The following CSE1L variants were observed in gnomAD, a reference collection of about 807,000 sequenced individuals.
The protein encoded by CSE1L is chromosome segregation 1 like.
Under a neutral mutation model 120.4 loss-of-function variants are expected in CSE1L, and 24 were observed. The ratio of observed to expected loss-of-function variants is 0.20; its 90% CI spans 0.14 to 0.28. The LOEUF (loss-of-function observed/expected upper bound fraction) is 0.28, where lower values mean the gene tolerates loss of function less well. CSE1L is among the 10% of genes least tolerant of loss of function. The pLI, the probability that CSE1L is intolerant of heterozygous loss-of-function variation, is 1.00. For missense variants in CSE1L, 830 were observed against 1,145.2 expected, an observed-to-expected ratio of 0.72 and a Z score of 3.97; for synonymous variants, 402 against 398.3, an observed-to-expected ratio of 1.01 and a Z score of -0.11.
At position 49,094,949 on chromosome 20, in the gene CSE1L, G is replaced by C; in HGVS notation, c.2812G>C (p.Ala938Pro). The stretch of plus-strand genomic sequence containing the variant: ...ACAGTCACTTCACAAGTTGTCTACC[G>C]CCTGTCCAGGAAGGGTAAGTGTGTT... ...LAQSLHKLST[A>P]CPGRVPSMVS... The change falls in exon 24 of 25, where the codon GCC (alanine) becomes CCC (proline). Residue 938 changes from alanine (A) to proline (P), a missense_variant. Physicochemically the swap from Ala to Pro is conservative, Grantham distance 27 (BLOSUM62 -1). Coordinates refer to ENST00000262982, the MANE Select transcript of CSE1L (RefSeq NM_001316.4). 6.2e-7 allele frequency: 1 copy of C among 1,613,852 alleles called. No individual in the cohort carries two copies. The highest frequency in any genetic ancestry group is 8.5e-7 in the Non-Finnish European group (1 of 1,179,806).
intron 3 of CSE1L, 83 bp from the exon 4 acceptor site, chr20:49,066,106 TAAA>T: frequency 3.5e-6 from 4 of 1,147,282 alleles, no homozygotes; most frequent in Non-Finnish European, 5.0e-6. Context: ...AATTAGTAAA[TAAA>T]AAAACAGTTA....
chr20:49,053,673 T>A (rs902457749), intron 1 of CSE1L, among the ~76,000 whole-genome samples: 1 of 152,170 alleles, frequency 6.6e-6, no homozygotes, highest in African/African-American at 2.4e-5. Context: ...ATTTCATAAC[T>A]GATCCACCAT....
Position 49,077,084 on chromosome 20 carries a change from CT to C in CSE1L, c.1420+27del, listed in dbSNP as rs750485862. On this transcript the variant is annotated intron_variant, in intron 13 of 24. Coordinates refer to ENST00000262982, the MANE Select transcript of CSE1L (RefSeq NM_001316.4). ...CTAATGGTGAGTTGTGAAATTCTTG[CT>C]TTTTTTACAGCTTGCCACACTATAC... The C allele has an allele frequency of 9.2e-6, 14 of 1,516,074 alleles. No homozygotes were observed. The highest frequency in any genetic ancestry group is 2.4e-5 in the South Asian group (2 of 84,240). The allele number at this position is 1,516,074 out of a possible 1,614,324, so 93.9% of individuals were successfully genotyped here. A position where few individuals can be genotyped will look rare whatever the true frequency, so the allele number is the denominator to read the frequency against.
intron 12 of CSE1L, among the ~76,000 whole-genome samples, chr20:49,075,917 C>T (rs987397617): frequency 6.6e-6 from 1 of 152,034 alleles, no homozygotes; most frequent in Non-Finnish European, 1.5e-5. Flanking sequence ...CTGCAACCTC[C>T]ACCTCCCGAG....
chr20:49,056,222 C>T (rs2091805589), intron 1 of CSE1L, among the ~76,000 whole-genome samples: 1 of 151,954 alleles, frequency 6.6e-6, no homozygotes, highest in Non-Finnish European at 1.5e-5. Context: ...TCTCCTGCCT[C>T]AGCCACCCAA....
chr20:49,053,208 C>T (rs1254274225), intron 1 of CSE1L, among the ~76,000 whole-genome samples: 1 of 150,256 alleles, frequency 6.7e-6, no homozygotes, highest in East Asian at 1.9e-4. Flanking sequence ...CCCCTGCACC[C>T]TCCCCACCCA....
At position 49,058,654 on chromosome 20, in the gene CSE1L, T is replaced by C. The variant is rs112688645; in HGVS notation, c.85+106T>C. ...AAATATATTTTAAAAAATTCATACT[T>C]GGGTTCTCAAGCGTAGTTTATAAGT... On this transcript the variant is annotated intron_variant, in intron 2 of 24. Transcript: ENST00000262982. The C allele has an allele frequency of 2.2e-3, 1,777 of 823,274 alleles. 26 individuals are homozygous for C. The African/African-American group carries it at 0.027, about 13-fold the overall frequency. The allele number at this position is 823,274 out of a possible 1,614,324, so 51.0% of individuals were successfully genotyped here. A position where few individuals can be genotyped will look rare whatever the true frequency, so the allele number is the denominator to read the frequency against.
intron 13 of CSE1L, among the ~76,000 whole-genome samples, chr20:49,077,872 C>T (rs1283654617): frequency 2.6e-5 from 4 of 152,152 alleles, no homozygotes; most frequent in South Asian, 2.1e-4. Context: ...GGCGTGGTGG[C>T]GTGTGCCTGT....
At chr20:49,063,131 TA>T (rs992843122) in intron 2 of CSE1L, 70 bp from the exon 3 acceptor site, 1 of 755,736 alleles carries the variant, frequency 1.3e-6, no homozygotes, top group Admixed American at 4.2e-5. Context: ...TTTTTTTATA[TA>T]TATATATTTG....
At chr20:49,079,933 G>A (rs2091998259) in intron 14 of CSE1L, among the ~76,000 whole-genome samples, 1 of 152,100 alleles carries the variant, frequency 6.6e-6, no homozygotes, top group Non-Finnish European at 1.5e-5. Flanking sequence ...TACTAGCTGG[G>A]TGTGGTGGCA....
At chr20:49,077,373 T>C (rs1296058587) in intron 13 of CSE1L, among the ~76,000 whole-genome samples, 3 of 152,138 alleles carry the variant, frequency 2.0e-5, no homozygotes, top group African/African-American at 7.2e-5. Context: ...TTGGCCAGGC[T>C]GGTCTCAAAC....
chr20:49,055,610 A>G (rs1160750084), intron 1 of CSE1L, among the ~76,000 whole-genome samples: 2 of 152,128 alleles, frequency 1.3e-5, no homozygotes, highest in Non-Finnish European at 2.9e-5. Context: ...CCAGCTACTC[A>G]AGAGGCTGAG....
chr20:49,067,166 A>G, intron 5 of CSE1L, 24 bp from the exon 6 acceptor site: 1 of 1,467,006 alleles, frequency 6.8e-7, no homozygotes, highest in South Asian at 1.2e-5. Context: ...TTGTAAATTT[A>G]TCTGTTTTAC....
chr20:49,054,194 T>C (rs916534569), intron 1 of CSE1L, among the ~76,000 whole-genome samples: 1 of 152,246 alleles, frequency 6.6e-6, no homozygotes, highest in Non-Finnish European at 1.5e-5. Flanking sequence ...TGGTGGGATC[T>C]ACTCAGTCAG....
intron 10 of CSE1L, among the ~76,000 whole-genome samples, chr20:49,074,548 C>CT (rs1228164395): frequency 6.6e-6 from 1 of 152,140 alleles, no homozygotes; most frequent in Non-Finnish European, 1.5e-5. Flanking sequence ...TCTGGGGAAA[C>CT]TGTCACATTA....
chr20:49,079,904 AC>A (rs2091997935), intron 14 of CSE1L, among the ~76,000 whole-genome samples: 1 of 152,088 alleles, frequency 6.6e-6, no homozygotes. Flanking sequence ...ACATGACGAA[AC>A]CCCATCTCTA....
At chr20:49,054,127 C>A (rs535537097) in intron 1 of CSE1L, among the ~76,000 whole-genome samples, 2 of 152,278 alleles carry the variant, frequency 1.3e-5, no homozygotes, top group South Asian at 4.1e-4. Context: ...TTTAATGGGA[C>A]TTGATTTTCA....
rs576405608 is a variant in CSE1L at position 49,080,073 on chromosome 20, C to T, written c.1482+1451C>T. ...TGGACAACAGAGCAAGACTCAAACC[C>T]GTGTTGTTCAAGGGTCTCCTGAAGT... On this transcript the variant is annotated intron_variant, in intron 14 of 24. Coordinates refer to ENST00000262982, the MANE Select transcript of CSE1L (RefSeq NM_001316.4). Among the ~76,000 whole-genome samples, 67 of 152,166 alleles carry T rather than the reference C, an allele frequency of 4.4e-4. No individual in the cohort carries two copies. The South Asian group carries it at 0.013, about 31-fold the overall frequency.
chr20:49,094,655 GTC>G, intron 23 of CSE1L, 75 bp from the exon 24 acceptor site: 6 of 950,764 alleles, frequency 6.3e-6, no homozygotes, highest in Non-Finnish European at 8.3e-6. Flanking sequence ...GTAATTTTGT[GTC>G]TCTGAGCAAT....
Sources: gnomAD v4.1 joint callset for allele counts (sites outside exome capture counted in the v4.1 genomes callset) on GRCh38, gnomAD v4.1.1 for gene constraint, MANE v1.5 for transcripts, NCBI Gene and HGNC (gene_info 2026-07-23, HGNC 2026-07-21) for gene names.